ZNF503: variants seen among roughly 807,000 people sequenced by gnomAD.
ZNF503 encodes the protein NocA-like zinc finger 2.
Under a neutral mutation model 34.4 loss-of-function variants are expected in ZNF503, and 15 were observed. The ratio of observed to expected loss-of-function variants is 0.44; its 90% confidence interval spans 0.29 to 0.67. The LOEUF (loss-of-function observed/expected upper bound fraction) is 0.67. Ranked by LOEUF, ZNF503 falls within the 30% of genes least tolerant of loss-of-function variation. The pLI is 0.13. For missense variants in ZNF503, 1,007 were observed against 926.8 expected (o/e 1.09, Z -1.12); for synonymous variants, 580 against 456.8 (o/e 1.27, Z -3.44).
chr10:75,380,948 C>T, the ZNF503 span, among the ~76,000 whole-genome samples: 1 of 152,150 alleles, frequency 6.6e-6, no homozygotes, highest in Non-Finnish European at 1.5e-5. Flanking sequence ...ATGGCATTCG[C>T]GGGAATTATT....
chr10:75,318,005 A>ATACATACG, the ZNF503 span, among the ~76,000 whole-genome samples: 2,950 of 151,832 alleles, frequency 0.019, 107 homozygotes, highest in African/African-American at 0.067. Context: ...CAACAAATAC[A>ATACATACG]TACATACATA....
At chr10:75,379,819 A>T in the ZNF503 span, among the ~76,000 whole-genome samples, 1 of 152,220 alleles carries the variant, frequency 6.6e-6, no homozygotes, top group Non-Finnish European at 1.5e-5. Context: ...GAGGAACCAG[A>T]GGGAAGCGTG....
the ZNF503 span, among the ~76,000 whole-genome samples, chr10:75,301,575 T>C: frequency 5.9e-5 from 9 of 152,150 alleles, no homozygotes; most frequent in Non-Finnish European, 2.9e-5. Flanking sequence ...TATTGTCTTT[T>C]TTATTTCTCT....
the ZNF503 span, among the ~76,000 whole-genome samples, chr10:75,332,726 C>T: frequency 1.4e-5 from 2 of 147,894 alleles, no homozygotes; most frequent in African/African-American, 5.1e-5. Flanking sequence ...GCACATCTTG[C>T]ACCGCCCTTA....
the ZNF503 span, among the ~76,000 whole-genome samples, chr10:75,351,597 T>C: frequency 5.9e-5 from 9 of 152,272 alleles, no homozygotes; most frequent in Admixed American, 3.9e-4. Flanking sequence ...TCTCCCCAGC[T>C]TCACCATCAG....
At position 75,400,263 on chromosome 10, in the gene ZNF503, C is replaced by T. The variant is rs143900049; in HGVS notation, c.427G>A (p.Gly143Ser). ...GCACCGCCGCCGGCACCGCCCGCGC[C>T]GCCCCCGTTGGAGGCAACCGAGGAG... is the stretch of plus-strand genomic sequence containing the variant. ...KLSSVASNGGGAGGAGGGAAG... is the reference protein window; with the variant it reads ...KLSSVASNGGSAGGAGGGAAG... The change falls in exon 2 of 2, where the codon GGC (glycine) becomes AGC (serine). Residue 143 changes from glycine (G) to serine (S), a missense_variant. Transcript: ENST00000372524. The T allele has an allele frequency of 1.3e-4, 206 of 1,613,118 alleles. No homozygotes were observed. In the African/African-American group the frequency reaches 2.4e-3, roughly 18 times the overall value.
chr10:75,397,348 G>C (rs1843713260), downstream of ZNF503, among the ~76,000 whole-genome samples: 2 of 152,188 alleles, frequency 1.3e-5, no homozygotes, highest in Non-Finnish European at 1.5e-5. Context: ...CCGGGACACA[G>C]GTTCCCCCAG....
At chr10:75,287,891 C>A in the ZNF503 span, among the ~76,000 whole-genome samples, 1 of 152,224 alleles carries the variant, frequency 6.6e-6, no homozygotes, top group Non-Finnish European at 1.5e-5. Flanking sequence ...ATGTGCTTAA[C>A]CCTGGACCAT....
At chr10:75,387,699 G>A in the ZNF503 span, among the ~76,000 whole-genome samples, 1 of 152,168 alleles carries the variant, frequency 6.6e-6, no homozygotes, top group Admixed American at 6.5e-5. Context: ...TTAGGGCTGG[G>A]TTTTGCTGGG....
the ZNF503 span, among the ~76,000 whole-genome samples, chr10:75,345,978 C>T: frequency 6.6e-6 from 1 of 152,168 alleles, no homozygotes; most frequent in Non-Finnish European, 1.5e-5. Context: ...TCAAACTGTG[C>T]GGAATCAGTG....
chr10:75,286,463 C>G, the ZNF503 span, among the ~76,000 whole-genome samples: 1 of 152,174 alleles, frequency 6.6e-6, no homozygotes, highest in African/African-American at 2.4e-5. Context: ...GTTCCCGTGG[C>G]TTCCTCCTGC....
chr10:75,319,819 AC>A, the ZNF503 span, among the ~76,000 whole-genome samples: 1 of 152,350 alleles, frequency 6.6e-6, no homozygotes, highest in South Asian at 2.1e-4. Flanking sequence ...TACATTAATC[AC>A]AAGAGAGCAT....
Position 75,399,140 on chromosome 10 carries a change from T to C in ZNF503, c.1550A>G (p.Asn517Ser), listed in dbSNP as rs1440268932. Residue 517 changes from asparagine to serine, a missense_variant, in exon 2 of 2, where the codon AAC becomes AGC. Transcript: ENST00000372524. ...LPNDPLPHICNWVSANGPCDK... is the reference protein window; with the variant it reads ...LPNDPLPHICSWVSANGPCDK... ...GCACGGCCCGTTGGCCGACACCCAGTTGCAGATGTGGGGGAGTGGGTCGTT... is the reference window on the plus strand; with the variant it reads ...GCACGGCCCGTTGGCCGACACCCAGCTGCAGATGTGGGGGAGTGGGTCGTT... The C allele has an allele frequency of 1.2e-6, 2 of 1,613,466 alleles. No homozygotes were observed. Among genetic ancestry groups the C allele is most frequent in the Non-Finnish European group, 1.7e-6 (2 of 1,179,696 alleles).
the ZNF503 span, among the ~76,000 whole-genome samples, chr10:75,335,262 G>A: frequency 6.6e-6 from 1 of 152,118 alleles, no homozygotes; most frequent in Non-Finnish European, 1.5e-5. Context: ...TGCAAAAAAT[G>A]CTATATTGGC....
chr10:75,352,961 G>T, the ZNF503 span, among the ~76,000 whole-genome samples: 1 of 152,150 alleles, frequency 6.6e-6, no homozygotes, highest in African/African-American at 2.4e-5. Flanking sequence ...TTCTGTAGGG[G>T]GTGTTCTAGA....
chr10:75,288,846 A>G, the ZNF503 span, among the ~76,000 whole-genome samples: 2 of 152,180 alleles, frequency 1.3e-5, no homozygotes, highest in Non-Finnish European at 2.9e-5. Context: ...TGCATGTGTT[A>G]ATTTCCCCTC....
chr10:75,296,952 AG>A, the ZNF503 span, among the ~76,000 whole-genome samples: 2 of 152,084 alleles, frequency 1.3e-5, no homozygotes, highest in Non-Finnish European at 2.9e-5. Flanking sequence ...TTCCTACGGG[AG>A]TCAGTTGCAG....
chr10:75,326,261 T>C, the ZNF503 span, among the ~76,000 whole-genome samples: 273 of 152,356 alleles, frequency 1.8e-3, 7 homozygotes, highest in South Asian at 0.054. Context: ...GAATTTTCTA[T>C]ATAGGCAACA....
At chr10:75,337,045 A>C in the ZNF503 span, among the ~76,000 whole-genome samples, 1 of 152,190 alleles carries the variant, frequency 6.6e-6, no homozygotes, top group Non-Finnish European at 1.5e-5. Context: ...AAATTCTGGC[A>C]GGGTGTGGTG....
Sources: gnomAD v4.1 joint callset for allele counts (sites outside exome capture counted in the v4.1 genomes callset) on GRCh38, gnomAD v4.1.1 for gene constraint, MANE v1.5 for transcripts, NCBI Gene and HGNC (gene_info 2026-07-23, HGNC 2026-07-21) for gene names.